Variants in RANBP17 observed in about 807,000 individuals in gnomAD.
The protein encoded by RANBP17 is RAN binding protein 17.
Under a neutral mutation model 141.2 loss-of-function variants are expected in RANBP17, and 158 were observed. The ratio of observed to expected loss-of-function variants is 1.12; its 90% CI spans 0.98 to 1.28. The LOEUF (loss-of-function observed/expected upper bound fraction) is 1.28, where lower values mean the gene tolerates loss of function less well. RANBP17 is among the 50% of genes most tolerant of loss of function. The pLI, the probability that RANBP17 is intolerant of heterozygous loss-of-function variation, is 0.00. For missense variants in RANBP17, 1,438 were observed against 1,290.7 expected (o/e 1.11, Z -1.75); for synonymous variants, 430 against 450.0 (o/e 0.96, Z 0.56).
chr5:171,178,249 C>T (rs567527152), intron 16 of RANBP17, among the ~76,000 whole-genome samples: 4 of 149,554 alleles, frequency 2.7e-5, no homozygotes, highest in African/African-American at 7.4e-5. Flanking sequence ...TCACCTCCCA[C>T]TTATGAGTGA....
At chr5:171,288,882 G>T (rs757695171) in intron 25 of RANBP17, among the ~76,000 whole-genome samples, 3 of 152,154 alleles carry the variant, frequency 2.0e-5, no homozygotes, top group African/African-American at 4.8e-5. Context: ...CTGGCTATAG[G>T]ACAGCAGTGG....
At chr5:171,275,949 C>G (rs1767461089) in intron 25 of RANBP17, among the ~76,000 whole-genome samples, 1 of 152,162 alleles carries the variant, frequency 6.6e-6, no homozygotes. Flanking sequence ...GTATATGTAG[C>G]CTTTTGTTTA....
At chr5:170,949,049 G>A (rs1049284337) in intron 12 of RANBP17, among the ~76,000 whole-genome samples, 2 of 152,058 alleles carry the variant, frequency 1.3e-5, no homozygotes, top group African/African-American at 4.8e-5. Context: ...CAGCTGTTCG[G>A]GAGGATCACT....
At chr5:170,864,496 A>G (rs1006886262) in intron 1 of RANBP17, among the ~76,000 whole-genome samples, 1 of 152,298 alleles carries the variant, frequency 6.6e-6, no homozygotes, top group Admixed American at 6.5e-5. Context: ...GAATCATTCA[A>G]AGCAGTTGCA....
intron 24 of RANBP17, among the ~76,000 whole-genome samples, chr5:171,264,200 C>T (rs1016206557): frequency 7.9e-5 from 12 of 151,992 alleles, no homozygotes; most frequent in East Asian, 1.9e-4. Context: ...GCTATGAGGA[C>T]GCAAAGGCAT....
At chr5:171,122,113 G>A (rs1186768229) in intron 14 of RANBP17, among the ~76,000 whole-genome samples, 1 of 152,112 alleles carries the variant, frequency 6.6e-6, no homozygotes, top group African/African-American at 2.4e-5. Flanking sequence ...ATGGCTCTAC[G>A]CAGATCCAGT....
At chr5:170,953,409 GC>G (rs1343690116) in intron 12 of RANBP17, among the ~76,000 whole-genome samples, 187 bp from the exon 13 acceptor site, 1 of 152,016 alleles carries the variant, frequency 6.6e-6, no homozygotes, top group Non-Finnish European at 1.5e-5. Flanking sequence ...TAAATTCTAT[GC>G]CATTTTCAGT....
chr5:171,229,177 G>A (rs941039705), intron 22 of RANBP17, among the ~76,000 whole-genome samples: 3 of 152,188 alleles, frequency 2.0e-5, no homozygotes, highest in Non-Finnish European at 2.9e-5. Context: ...TATGGTCTTC[G>A]ATCTTGTCAG....
intron 14 of RANBP17, among the ~76,000 whole-genome samples, chr5:170,991,799 A>G (rs891675198): frequency 7.2e-5 from 11 of 152,068 alleles, no homozygotes; most frequent in South Asian, 4.1e-4. Context: ...AGCTGCTGTT[A>G]TTGGTAAGAA....
intron 14 of RANBP17, among the ~76,000 whole-genome samples, chr5:171,107,029 T>TTTGTTTG (rs1554099158): frequency 6.6e-6 from 1 of 151,206 alleles, no homozygotes; most frequent in Non-Finnish European, 1.5e-5. Context: ...CTTTTGTTTG[T>TTTGTTTG]TTGTTGTTGT....
intron 24 of RANBP17, among the ~76,000 whole-genome samples, chr5:171,265,459 G>A (rs987015549): frequency 2.4e-4 from 37 of 152,148 alleles, no homozygotes; most frequent in African/African-American, 8.7e-4. Context: ...GAACCCAGGA[G>A]GCAGAGGTTG....
At chr5:170,906,332 A>T (rs1053413256) in intron 5 of RANBP17, among the ~76,000 whole-genome samples, 1 of 151,990 alleles carries the variant, frequency 6.6e-6, no homozygotes, top group African/African-American at 2.4e-5. Context: ...GTTTATGAAG[A>T]TTATAGGCCA....
chr5:171,228,947 G>A (rs1197598293), intron 22 of RANBP17, among the ~76,000 whole-genome samples: 5 of 152,076 alleles, frequency 3.3e-5, no homozygotes. Flanking sequence ...AAAAAAGTGT[G>A]ACTAACTTTA....
At chr5:170,920,852 G>A (rs2127439268) in intron 11 of RANBP17, among the ~76,000 whole-genome samples, 1 of 152,292 alleles carries the variant, frequency 6.6e-6, no homozygotes, top group South Asian at 2.1e-4. Context: ...CAGTGATGAT[G>A]AGCATTTTTT....
intron 14 of RANBP17, among the ~76,000 whole-genome samples, chr5:171,033,807 G>C (rs1781697789): frequency 6.6e-6 from 1 of 152,104 alleles, no homozygotes; most frequent in East Asian, 1.9e-4. Flanking sequence ...ACTGACTTTG[G>C]AGATAAGATT....
chr5:170,988,429 T>C (rs914911534), intron 14 of RANBP17, among the ~76,000 whole-genome samples: 1 of 151,554 alleles, frequency 6.6e-6, no homozygotes, highest in Non-Finnish European at 1.5e-5. Context: ...CCATGTAGTA[T>C]GTGACTAAAT....
At chr5:170,864,105 A>G (rs1338784408) in intron 1 of RANBP17, among the ~76,000 whole-genome samples, 1 of 152,224 alleles carries the variant, frequency 6.6e-6, no homozygotes, top group Admixed American at 6.5e-5. Flanking sequence ...AAAAGTGTGC[A>G]TATATACGTT....
chr5:171,042,998 C>T (rs964332317), intron 14 of RANBP17, among the ~76,000 whole-genome samples: 1 of 151,994 alleles, frequency 6.6e-6, no homozygotes, highest in African/African-American at 2.4e-5. Context: ...GGGATAACTT[C>T]AGAAAAAAGA....
rs767902990 is a variant in RANBP17, at chr5:171,221,750, T to C, written c.2340-8T>C. 62 of 1,577,720 alleles carry C rather than the reference T, an allele frequency of 3.9e-5. No homozygotes were observed. The highest frequency in any genetic ancestry group is 2.6e-5 in the Non-Finnish European group (30 of 1,150,088). On this transcript the variant is annotated splice_polypyrimidine_tract_variant and splice_region_variant and intron_variant, in intron 21 of 27. Transcript: ENST00000523189. The stretch of plus-strand genomic sequence containing the variant: ...CACATATAGGCAATTTTTTTCTATA[T>C]TTCTTAGATCCCAGCGTTTGAATTT...
Sources: gnomAD v4.1 joint callset for allele counts (sites outside exome capture counted in the v4.1 genomes callset) on GRCh38, gnomAD v4.1.1 for gene constraint, MANE v1.5 for transcripts, NCBI Gene and HGNC (gene_info 2026-07-23, HGNC 2026-07-21) for gene names.